CADPS: variants seen among roughly 807,000 people sequenced by gnomAD.
CADPS encodes the protein calcium dependent secretion activator.
In CADPS, 57 loss-of-function variants were observed where a neutral mutation model predicts 167.3. That is an observed-to-expected ratio of 0.34 (90% CI 0.28 to 0.42). The LOEUF is 0.42. Among genes scored for constraint, CADPS ranks in the 20% least tolerant of loss-of-function variants. The pLI is 1.00. For synonymous variants in CADPS, 676 were observed against 635.3 expected (o/e 1.06, Z -0.96); for missense variants, 1,414 against 1,738.1 (o/e 0.81, Z 3.32).
At position 62,602,530 on chromosome 3, in the gene CADPS, C is replaced by T. The variant is rs2060123317; in HGVS notation, c.1326-9782G>A. Among the ~76,000 whole-genome samples, 1 of 152,090 alleles carries T rather than the reference C, an allele frequency of 6.6e-6. No individual in the cohort carries two copies. The highest frequency in any genetic ancestry group is 1.5e-5 in the Non-Finnish European group (1 of 68,022). ...GCTGCATTAAAATCTTGTGGCCTGC[C>T]TTTGAGGTGGACTGCATGATATTCC... On this transcript the variant is annotated intron_variant, in intron 6 of 29. Coordinates refer to ENST00000383710, the MANE Select transcript of CADPS (RefSeq NM_003716.4). This position sits in a 1 kb window ranked among gnomAD's most constrained non-coding sequence, Gnocchi z 4.4.
chr3:62,425,329 T>C (rs1374526923), intron 28 of CADPS, among the ~76,000 whole-genome samples: 3 of 152,092 alleles, frequency 2.0e-5, no homozygotes, highest in African/African-American at 4.8e-5. Context: ...AGTAGCACCC[T>C]CCCGCCACCA....
At chr3:62,751,305 T>A (rs1023944230) in intron 3 of CADPS, among the ~76,000 whole-genome samples, 1 of 152,222 alleles carries the variant, frequency 6.6e-6, no homozygotes, top group South Asian at 2.1e-4. Context: ...TATTTTTGTA[T>A]GTATAAATTA....
chr3:62,746,515 T>C lies in CADPS; in HGVS notation c.888+6926A>G, dbSNP rs1034124154. Among the ~76,000 whole-genome samples the C allele has an allele frequency of 5.3e-5, 8 of 152,136 alleles. No individual in the cohort carries two copies. The South Asian group carries it at 1.0e-3, about 20-fold the overall frequency. On this transcript the variant is annotated intron_variant, in intron 3 of 29. Transcript: ENST00000383710. ...CCATGCCTGGCTAATTTTTTAAATGTTTTGTAGAGATAGAGTCTCCCTATG... is the reference window on the plus strand; with the variant it reads ...CCATGCCTGGCTAATTTTTTAAATGCTTTGTAGAGATAGAGTCTCCCTATG...
chr3:62,445,734 A>G lies in CADPS; in HGVS notation c.3669+31T>C, dbSNP rs780844065. 9 of 1,430,600 alleles carry G rather than the reference A, an allele frequency of 6.3e-6. No homozygotes were observed. In the African/African-American group the frequency reaches 1.2e-4, roughly 19 times the overall value. 88.6% of individuals were successfully genotyped at this position (1,430,600 alleles called of 1,614,324 possible). A position where few individuals can be genotyped will look rare whatever the true frequency, so the allele number is the denominator to read the frequency against. ...AATGAAAAAAAAAAAAAACAAAAAA[A>G]CCCCATGAGAAACAATTTTCAAATA... On this transcript the variant is annotated intron_variant, in intron 27 of 29. Transcript: ENST00000383710.
In CADPS at chr3:62,798,479, G is replaced by T. The variant is rs1001073682; in HGVS notation, c.442-32495C>A. Among the ~76,000 whole-genome samples, 10 of 152,072 alleles carry T rather than the reference G, an allele frequency of 6.6e-5. No homozygotes were observed. In the East Asian group the frequency reaches 1.9e-3, roughly 29 times the overall value. ...GCTTATCTACTTTTGAGGTTTTTGG[G>T]ACTTGGACTGGCTTCCTTTCTCCTC... is the stretch of plus-strand genomic sequence containing the variant. On this transcript the variant is annotated intron_variant, in intron 1 of 29. Transcript: ENST00000383710.
At chr3:62,554,521 G>A (rs2077801938) in intron 10 of CADPS, among the ~76,000 whole-genome samples, 1 of 152,160 alleles carries the variant, frequency 6.6e-6, no homozygotes. Context: ...GAGAGAGGTA[G>A]AGTCTGAAGT....
chr3:62,552,493 T>C (rs2077472975), intron 10 of CADPS, among the ~76,000 whole-genome samples: 1 of 152,226 alleles, frequency 6.6e-6, no homozygotes, highest in South Asian at 2.1e-4. Context: ...CAGCATTCTC[T>C]AGCTGGAAAT....
chr3:62,825,786 G>A (rs1358863546), intron 1 of CADPS, among the ~76,000 whole-genome samples: 1 of 152,138 alleles, frequency 6.6e-6, no homozygotes, highest in Non-Finnish European at 1.5e-5. Flanking sequence ...AAGCAAAGCA[G>A]CTTCCTATGC....
chr3:62,691,194 C>T (rs2079043564), intron 3 of CADPS, among the ~76,000 whole-genome samples: 1 of 151,926 alleles, frequency 6.6e-6, no homozygotes, highest in Admixed American at 6.6e-5. Flanking sequence ...AGGCAGAGAA[C>T]AGAGGATTTT....
chr3:62,629,757 G>GTTTTTTTTTTTTTTTTTTTTT (rs55956118), intron 6 of CADPS, among the ~76,000 whole-genome samples: 4 of 145,672 alleles, frequency 2.7e-5, no homozygotes, highest in Non-Finnish European at 3.0e-5. Flanking sequence ...CTCTGGTACA[G>GTTTTTTTTTTTTTTTTTTTTT]TTTTTTTTTT....
At chr3:62,643,424 A>G (rs750960536) in intron 6 of CADPS, among the ~76,000 whole-genome samples, 20 of 152,236 alleles carry the variant, frequency 1.3e-4, no homozygotes, top group Admixed American at 1.2e-3. Flanking sequence ...TCAAAAATGT[A>G]TACTTCTTAC....
chr3:62,569,041 G>A (rs1024731819), intron 9 of CADPS, among the ~76,000 whole-genome samples: 4 of 152,202 alleles, frequency 2.6e-5, no homozygotes, highest in African/African-American at 7.2e-5. Flanking sequence ...TCAGTTAATA[G>A]TCTGAGGAAA....
intron 8 of CADPS, among the ~76,000 whole-genome samples, chr3:62,577,775 G>A (rs769476049): frequency 6.6e-6 from 1 of 152,114 alleles, no homozygotes; most frequent in Non-Finnish European, 1.5e-5. Context: ...AGTCCAGAGG[G>A]GTTAAGAAAC....
Position 62,875,014 on chromosome 3 carries a change from A to T in CADPS, c.16T>A (p.Ser6Thr), listed in dbSNP as rs759782285. 1.0e-5 allele frequency: 16 copies of T among 1,595,872 alleles called. No homozygotes were observed. The highest frequency in any genetic ancestry group is 2.6e-6 in the Non-Finnish European group (3 of 1,171,220). The change falls in exon 1 of 30, where the codon TCC (serine) becomes ACC (threonine). Residue 6 changes from serine (S) to threonine (T), a missense_variant. Coordinates refer to ENST00000383710, the MANE Select transcript of CADPS (RefSeq NM_003716.4). Reference sequence around the variant, plus strand: ...ATCTCATCCGATTCTTCTTCGCTGGACGAAGGGTCCAGCATAGTGGCGCCT... The same window carrying T: ...ATCTCATCCGATTCTTCTTCGCTGGTCGAAGGGTCCAGCATAGTGGCGCCT... MLDPSSSEEESDEIVE... is the reference protein window; with the variant it reads MLDPSTSEEESDEIVE...
intron 3 of CADPS, 81 bp from the exon 4 acceptor site, chr3:62,662,475 C>G: frequency 8.7e-7 from 1 of 1,145,884 alleles, no homozygotes; most frequent in Non-Finnish European, 1.3e-6. Flanking sequence ...TTTATACCCC[C>G]TTGCACTGTG....
rs556723207 is a variant in CADPS, at chr3:62,455,670, C to A, written c.3636+9697G>T. 1.9e-4 allele frequency among the ~76,000 whole-genome samples: 29 copies of A among 152,270 alleles called. 1 individual carries two copies. The South Asian group carries it at 2.7e-3, about 14-fold the overall frequency. ...CGGATTTTAAGTGGGGGCCCCTGCC[C>A]CCTTCTGGCATTTTTGTGTTTTGTT... On this transcript the variant is annotated intron_variant, in intron 26 of 29. Coordinates refer to ENST00000383710, the MANE Select transcript of CADPS (RefSeq NM_003716.4). The surrounding 1 kb of genome is among the most constrained non-coding windows in gnomAD (Gnocchi z 4.4).
chr3:62,669,527 A>G (rs758734932), intron 3 of CADPS, among the ~76,000 whole-genome samples: 1 of 151,940 alleles, frequency 6.6e-6, no homozygotes, highest in Non-Finnish European at 1.5e-5. Context: ...CCTTCCTCTC[A>G]TTTCCTAAAG....
chr3:62,831,513 T>C (rs2075081718), intron 1 of CADPS, among the ~76,000 whole-genome samples: 1 of 152,066 alleles, frequency 6.6e-6, no homozygotes, highest in Non-Finnish European at 1.5e-5. Context: ...ATTACCAAAT[T>C]ACTGCGAGGT....
At chr3:62,500,466 G>T (rs759643730) in intron 17 of CADPS, 1 of 152,108 alleles carries the variant, frequency 6.6e-6, no homozygotes. Context: ...AAAACATAAA[G>T]GTTTTCTTGG....
Sources: allele counts gnomAD v4.1 joint callset (sites outside exome capture counted in the v4.1 genomes callset), GRCh38; gene constraint gnomAD v4.1.1; non-coding constraint Gnocchi (gnomAD v3.1); transcripts MANE v1.5; gene names NCBI Gene and HGNC (gene_info 2026-07-23, HGNC 2026-07-21).